Variants in RBMS1 observed in about 807,000 individuals in gnomAD.
The protein encoded by RBMS1 is RNA-binding motif, single-stranded-interacting protein 1.
RBMS1 carries 17 observed loss-of-function variants against 62.3 expected under a neutral mutation model. The ratio of observed to expected loss-of-function variants is 0.27; its 90% confidence interval spans 0.19 to 0.41. RBMS1 has a LOEUF of 0.41. Among genes scored for constraint, RBMS1 ranks in the 10% least tolerant of loss-of-function variants. RBMS1 has a pLI of 1.00. For missense variants in RBMS1, 334 were observed against 504.5 expected, an observed-to-expected ratio of 0.66 and a Z score of 3.24; for synonymous variants, 172 against 170.0, an observed-to-expected ratio of 1.01 and a Z score of -0.09.
chr2:160,446,740 G>T (rs1216593805), intron 1 of RBMS1, among the ~76,000 whole-genome samples: 1 of 152,244 alleles, frequency 6.6e-6, no homozygotes, highest in Non-Finnish European at 1.5e-5. Flanking sequence ...TTTGTTGTTT[G>T]TCCACCCCAT....
In RBMS1 at chr2:160,362,575, G is replaced by C. The variant is rs568469365; in HGVS notation, c.251+4641C>G. On this transcript the variant is annotated intron_variant, in intron 2 of 13. Coordinates refer to ENST00000348849, the MANE Select transcript of RBMS1 (RefSeq NM_016836.4). ...CATTTATTGATTAAGTCCTATATGG[G>C]AATGGTTTGTGGTGCCCCAAAACAA... is the stretch of plus-strand genomic sequence containing the variant. Among the ~76,000 whole-genome samples the C allele has an allele frequency of 1.2e-4, 18 of 152,226 alleles. No individual in the cohort carries two copies. The South Asian group carries it at 3.5e-3, about 30-fold the overall frequency.
rs1247658578 is a variant in RBMS1, at chr2:160,272,360, T to C, written c.*2412A>G. ...TAAAACAAAAATAAAAAATTAACTC[T>C]CTTGATCATATAGATATCTCTATGA... On this transcript the variant is annotated 3_prime_UTR_variant, in exon 14 of 14. Coordinates refer to ENST00000348849, the MANE Select transcript of RBMS1 (RefSeq NM_016836.4). 26 of 152,154 alleles carry C rather than the reference T, an allele frequency of 1.7e-4. No homozygotes were observed. Among genetic ancestry groups the C allele is most frequent in the Admixed American group, 1.7e-3 (26 of 15,284 alleles). 9.4% of individuals were successfully genotyped at this position (152,154 alleles called of 1,614,324 possible). A position where few individuals can be genotyped will look rare whatever the true frequency, so the allele number is the denominator to read the frequency against.
At chr2:160,487,725 T>C (rs539011859) in intron 1 of RBMS1, among the ~76,000 whole-genome samples, 4 of 152,224 alleles carry the variant, frequency 2.6e-5, no homozygotes, top group African/African-American at 7.2e-5. Context: ...ACTTTTAGAA[T>C]CTAGGTTTTC....
intron 2 of RBMS1, among the ~76,000 whole-genome samples, chr2:160,343,739 G>A (rs1177215901): frequency 6.6e-6 from 1 of 152,128 alleles, no homozygotes; most frequent in Non-Finnish European, 1.5e-5. Flanking sequence ...AGAATAATTA[G>A]AGTGGAGCCC....
intron 1 of RBMS1, among the ~76,000 whole-genome samples, chr2:160,369,270 G>C (rs1693594310): frequency 6.6e-6 from 1 of 152,086 alleles, no homozygotes; most frequent in African/African-American, 2.4e-5. Flanking sequence ...TTTTTCTCTA[G>C]GGGCTAACTA....
intron 2 of RBMS1, among the ~76,000 whole-genome samples, chr2:160,358,061 T>C (rs1692903851): frequency 1.3e-5 from 2 of 152,120 alleles, no homozygotes; most frequent in Admixed American, 6.6e-5. Flanking sequence ...GCAACTAACA[T>C]GAAAAAGAAA....
intron 2 of RBMS1, among the ~76,000 whole-genome samples, chr2:160,334,446 T>A (rs1490231212): frequency 6.6e-6 from 1 of 152,228 alleles, no homozygotes; most frequent in Non-Finnish European, 1.5e-5. Context: ...CCATTAATCC[T>A]GTTCTACAAG....
chr2:160,286,256 C>T (rs186349206), intron 7 of RBMS1, among the ~76,000 whole-genome samples: 7 of 144,852 alleles, frequency 4.8e-5, no homozygotes, highest in African/African-American at 1.8e-4. Flanking sequence ...GCTATAACCA[C>T]ACCACTGGAC....
chr2:160,313,145 T>C lies in RBMS1; in HGVS notation c.402+11A>G, dbSNP rs780429224. On this transcript the variant is annotated intron_variant, in intron 4 of 13. Coordinates refer to ENST00000348849, the MANE Select transcript of RBMS1 (RefSeq NM_016836.4). ...GTGGAACAGAGAAGCAATTGCTGGC[T>C]CTCAACTCACCTTTGCCATTTGAGC... 1 of 1,612,136 alleles carries C rather than the reference T, an allele frequency of 6.2e-7. No individual in the cohort carries two copies. Among genetic ancestry groups the C allele is most frequent in the East Asian group, 2.2e-5 (1 of 44,798 alleles).
intron 2 of RBMS1, among the ~76,000 whole-genome samples, chr2:160,346,351 G>A (rs1057498858): frequency 6.6e-5 from 10 of 152,128 alleles, no homozygotes; most frequent in African/African-American, 2.2e-4. Context: ...ATGGGGCCCT[G>A]GGGCAGCCTG....
intron 2 of RBMS1, among the ~76,000 whole-genome samples, chr2:160,355,645 T>C (rs1424226873): frequency 6.6e-6 from 1 of 152,020 alleles, no homozygotes; most frequent in Admixed American, 6.6e-5. Context: ...CCCCCCATCA[T>C]GGCATCAGTG....
intron 1 of RBMS1, among the ~76,000 whole-genome samples, chr2:160,442,346 A>AT (rs11436208): frequency 0.5 from 76,691 of 151,892 alleles, 20,478 homozygotes; most frequent in Admixed American, 0.63. Context: ...ATAAAATTTC[A>AT]TTTTTTTCCC....
At chr2:160,464,708 C>A (rs563212601) in intron 1 of RBMS1, among the ~76,000 whole-genome samples, 14 of 152,192 alleles carry the variant, frequency 9.2e-5, no homozygotes, top group Non-Finnish European at 2.1e-4. Context: ...AAAAGTCACA[C>A]ATTTTCTTGA....
intron 2 of RBMS1, among the ~76,000 whole-genome samples, chr2:160,354,125 AT>A (rs1692666622): frequency 6.6e-6 from 1 of 152,082 alleles, no homozygotes; most frequent in South Asian, 2.1e-4. Flanking sequence ...TGACATGTAA[AT>A]TTTGATTCTG....
intron 2 of RBMS1, among the ~76,000 whole-genome samples, chr2:160,324,901 TATATATACAC>T (rs1453481120): frequency 1.0e-4 from 12 of 118,764 alleles, no homozygotes; most frequent in East Asian, 4.5e-4. Context: ...TATATATATA[TATATATACAC>T]ACACACACAC....
At chr2:160,446,309 C>T (rs1178910259) in intron 1 of RBMS1, among the ~76,000 whole-genome samples, 2 of 152,184 alleles carry the variant, frequency 1.3e-5, no homozygotes, top group African/African-American at 4.8e-5. Context: ...TGTTCATAAA[C>T]TCATTGCCAT....
At chr2:160,398,919 C>G (rs941931537) in intron 1 of RBMS1, among the ~76,000 whole-genome samples, 7 of 152,290 alleles carry the variant, frequency 4.6e-5, no homozygotes, top group African/African-American at 1.4e-4. Context: ...TTAATACATT[C>G]ACACTGCCAC....
intron 2 of RBMS1, among the ~76,000 whole-genome samples, chr2:160,336,596 AC>A (rs531719139): frequency 2.5e-3 from 375 of 152,324 alleles, no homozygotes; most frequent in African/African-American, 8.6e-3. Flanking sequence ...CATTAAAAAA[AC>A]AGATGAAATT....
chr2:160,471,415 A>G (rs1055012609), intron 1 of RBMS1, among the ~76,000 whole-genome samples: 3 of 152,030 alleles, frequency 2.0e-5, no homozygotes, highest in Non-Finnish European at 4.4e-5. Context: ...ATCTAGAAAA[A>G]TATTAATTTA....
Sources: allele counts gnomAD v4.1 joint callset (sites outside exome capture counted in the v4.1 genomes callset), GRCh38; gene constraint gnomAD v4.1.1; transcripts MANE v1.5; gene names NCBI Gene and HGNC (gene_info 2026-07-23, HGNC 2026-07-21).